ENTREP2: variants seen among roughly 807,000 people sequenced by gnomAD.
ENTREP2 encodes protein ENTREP2.
the ENTREP2 span, among the ~76,000 whole-genome samples, chr15:29,489,259 G>A: frequency 6.6e-6 from 1 of 152,172 alleles, no homozygotes; most frequent in East Asian, 1.9e-4. Flanking sequence ...GCCTGGCCGA[G>A]AGAAATATGG....
the ENTREP2 span, among the ~76,000 whole-genome samples, chr15:29,184,603 C>G: frequency 6.6e-6 from 1 of 152,020 alleles, no homozygotes; most frequent in African/African-American, 2.4e-5. Flanking sequence ...AAGTCCGCCT[C>G]ATGGACTTCA....
At chr15:29,581,824 T>C in the ENTREP2 span, among the ~76,000 whole-genome samples, 1 of 152,104 alleles carries the variant, frequency 6.6e-6, no homozygotes, top group South Asian at 2.1e-4. Context: ...AATTACTTGA[T>C]ATTAAGGCTT....
chr15:29,329,235 T>C, the ENTREP2 span, among the ~76,000 whole-genome samples: 5 of 151,524 alleles, frequency 3.3e-5, no homozygotes, highest in Non-Finnish European at 7.4e-5. Context: ...TGGTGGCAGG[T>C]GCCTGTAGTC....
the ENTREP2 span, among the ~76,000 whole-genome samples, chr15:29,404,975 C>A: frequency 1.3e-5 from 2 of 152,182 alleles, no homozygotes; most frequent in Non-Finnish European, 2.9e-5. Flanking sequence ...GTTCCTCCCT[C>A]CACCTGGTAC....
At chr15:29,149,117 T>A in the ENTREP2 span, among the ~76,000 whole-genome samples, 1 of 152,142 alleles carries the variant, frequency 6.6e-6, no homozygotes, top group Non-Finnish European at 1.5e-5. Flanking sequence ...CCTCAGGTGA[T>A]CTGCCGGCCT....
the ENTREP2 span, among the ~76,000 whole-genome samples, chr15:29,336,454 G>T: frequency 6.6e-6 from 1 of 151,722 alleles, no homozygotes; most frequent in Non-Finnish European, 1.5e-5. Context: ...GGGACTATAG[G>T]CACACACCAC....
At chr15:29,243,322 G>A in the ENTREP2 span, among the ~76,000 whole-genome samples, 5 of 152,106 alleles carry the variant, frequency 3.3e-5, no homozygotes, top group South Asian at 4.1e-4. Context: ...ATGCAATGAC[G>A]TTAGAAATTA....
chr15:29,398,361 A>C, the ENTREP2 span, among the ~76,000 whole-genome samples: 1 of 152,030 alleles, frequency 6.6e-6, no homozygotes. Context: ...CGAAAATGAA[A>C]AATTCTTTCA....
the ENTREP2 span, among the ~76,000 whole-genome samples, chr15:29,158,931 G>C: frequency 2.0e-5 from 3 of 151,432 alleles, no homozygotes; most frequent in Non-Finnish European, 4.4e-5. Flanking sequence ...TCCAGTCTAC[G>C]TAAGTTATGG....
the ENTREP2 span, chr15:29,265,778 A>G: frequency 6.6e-6 from 1 of 152,246 alleles, no homozygotes; most frequent in African/African-American, 2.4e-5. Context: ...GAAAGTATAA[A>G]TGATGAAAAA....
chr15:29,226,375 A>G, the ENTREP2 span, among the ~76,000 whole-genome samples: 1 of 152,234 alleles, frequency 6.6e-6, no homozygotes, highest in African/African-American at 2.4e-5. Context: ...GCAAATTCAC[A>G]TGAAGAAGAA....
the ENTREP2 span, among the ~76,000 whole-genome samples, chr15:29,206,032 C>T: frequency 6.6e-6 from 1 of 152,204 alleles, no homozygotes; most frequent in Admixed American, 6.5e-5. Context: ...AGGGTCCCCA[C>T]AACACCAGCC....
the ENTREP2 span, among the ~76,000 whole-genome samples, chr15:29,551,449 A>G: frequency 6.6e-6 from 1 of 152,142 alleles, no homozygotes; most frequent in African/African-American, 2.4e-5. Context: ...TGGGGATTGC[A>G]TCTAAGAACC....
At chr15:29,312,624 C>A in the ENTREP2 span, among the ~76,000 whole-genome samples, 2 of 152,076 alleles carry the variant, frequency 1.3e-5, no homozygotes, top group Non-Finnish European at 2.9e-5. Flanking sequence ...CTTGAAGATA[C>A]TATTATAATT....
chr15:29,409,522 A>C, the ENTREP2 span, among the ~76,000 whole-genome samples: 1 of 151,860 alleles, frequency 6.6e-6, no homozygotes, highest in Non-Finnish European at 1.5e-5. Flanking sequence ...GACAGGTTTC[A>C]CCATGTTGGC....
chr15:29,634,033 T>C, the ENTREP2 span, among the ~76,000 whole-genome samples: 2 of 151,960 alleles, frequency 1.3e-5, no homozygotes, highest in African/African-American at 4.8e-5. Context: ...CTGCCAGTGG[T>C]GGGGCTGTTA....
the ENTREP2 span, among the ~76,000 whole-genome samples, chr15:29,526,224 C>G: frequency 6.6e-6 from 1 of 152,144 alleles, no homozygotes; most frequent in African/African-American, 2.4e-5. Context: ...GCAAACAACT[C>G]AATCATCTGG....
chr15:29,467,251 G>A, the ENTREP2 span, among the ~76,000 whole-genome samples: 549 of 152,252 alleles, frequency 3.6e-3, no homozygotes, highest in Admixed American at 6.2e-3. Flanking sequence ...GGCTATTGGA[G>A]TGAACAATGG....
At chr15:29,166,037 G>C in the ENTREP2 span, among the ~76,000 whole-genome samples, 2 of 152,082 alleles carry the variant, frequency 1.3e-5, no homozygotes, top group African/African-American at 2.4e-5. Flanking sequence ...CAATAAATGT[G>C]ACACATCACA....
Sources: gnomAD v4.1 joint callset for allele counts (sites outside exome capture counted in the v4.1 genomes callset) on GRCh38, gnomAD v4.1.1 for gene constraint, MANE v1.5 for transcripts, NCBI Gene and HGNC (gene_info 2026-07-23, HGNC 2026-07-21) for gene names.